Variants in CNTNAP2 observed in about 807,000 individuals in gnomAD.
CNTNAP2 encodes contactin associated protein 2, also known as contactin-associated protein-like 2.
Under a neutral mutation model 155.2 loss-of-function variants are expected in CNTNAP2, and 98 were observed. That is an observed-to-expected ratio of 0.63 (90% CI 0.54 to 0.75). CNTNAP2 has a LOEUF of 0.75. Among genes scored for constraint, CNTNAP2 ranks in the 30% least tolerant of loss-of-function variants. The pLI is 0.00. For synonymous variants in CNTNAP2, 651 were observed against 631.2 expected (o/e 1.03, Z -0.47); for missense variants, 1,727 against 1,688.1 (o/e 1.02, Z -0.40).
chr7:146,811,716 G>T (rs969065745), intron 2 of CNTNAP2, among the ~76,000 whole-genome samples: 3 of 152,030 alleles, frequency 2.0e-5, no homozygotes, highest in Non-Finnish European at 4.4e-5. Context: ...ATCTTAAATT[G>T]TAGTTTCCAT....
chr7:147,101,415 C>G (rs1248981293), intron 4 of CNTNAP2, among the ~76,000 whole-genome samples: 1 of 152,162 alleles, frequency 6.6e-6, no homozygotes, highest in Non-Finnish European at 1.5e-5. Context: ...CTTTTGGGCC[C>G]TGGCTCCACG....
intron 14 of CNTNAP2, among the ~76,000 whole-genome samples, chr7:147,947,685 G>A (rs1046484213): frequency 1.3e-5 from 2 of 152,010 alleles, no homozygotes; most frequent in African/African-American, 4.8e-5. Context: ...CTTCAGGAAA[G>A]AAAAGAGATC....
chr7:147,526,746 T>C (rs116553532), intron 11 of CNTNAP2, among the ~76,000 whole-genome samples: 2,573 of 152,300 alleles, frequency 0.017, 78 homozygotes, highest in African/African-American at 0.059. Flanking sequence ...AGTCCTAGGC[T>C]AGCTGGTAAA....
chr7:147,880,012 G>A (rs1050211464), intron 13 of CNTNAP2, among the ~76,000 whole-genome samples: 1 of 152,218 alleles, frequency 6.6e-6, no homozygotes, highest in African/African-American at 2.4e-5. Context: ...CAGTGGTGAT[G>A]AGATCCAGTT....
At position 148,409,379 on chromosome 7, in the gene CNTNAP2, C is replaced by CTTTT. The variant is rs769306969; in HGVS notation, c.3716-9_3716-8insTTTT. 6.3e-7 allele frequency: 1 copy of CTTTT among 1,599,590 alleles called. No individual in the cohort carries two copies. The highest frequency in any genetic ancestry group is 8.6e-7 in the Non-Finnish European group (1 of 1,167,080). On this transcript the variant is annotated splice_polypyrimidine_tract_variant and intron_variant, in intron 22 of 23. Coordinates refer to ENST00000361727, the MANE Select transcript of CNTNAP2 (RefSeq NM_014141.6). ...ACTTGACTCTGACACTTGACTCTTT[C>CTTTT]TTTCTCTACAGCCAGTGCGGATTTT...
chr7:147,068,516 G>A (rs1210778770), intron 4 of CNTNAP2, among the ~76,000 whole-genome samples: 4 of 151,992 alleles, frequency 2.6e-5, no homozygotes, highest in Non-Finnish European at 5.9e-5. Context: ...ATGCCACCAC[G>A]CCAAGCTAAC....
Position 148,358,481 on chromosome 7 carries a change from G to A in CNTNAP2, c.3476-25168G>A, listed in dbSNP as rs1166863262. Among the ~76,000 whole-genome samples, 6 of 152,286 alleles carry A rather than the reference G, an allele frequency of 3.9e-5. No homozygotes were observed. In the East Asian group the frequency reaches 1.2e-3, roughly 29 times the overall value. On this transcript the variant is annotated intron_variant, in intron 21 of 23. Coordinates refer to ENST00000361727, the MANE Select transcript of CNTNAP2 (RefSeq NM_014141.6). ...GAGAAGGGATGGCTTTTGGGTGAGT[G>A]AGGATGGCTGGCCTGCCTGTTCACC...
chr7:147,486,145 C>A, intron 11 of CNTNAP2, 104 bp downstream of exon 11: 2 of 842,816 alleles, frequency 2.4e-6, no homozygotes, highest in Non-Finnish European at 3.8e-6. Context: ...CATAATACAT[C>A]ACTCGAATCT....
At position 147,092,110 on chromosome 7, in the gene CNTNAP2, C is replaced by G. The variant is rs997894162; in HGVS notation, c.551-16037C>G. 2.0e-5 allele frequency among the ~76,000 whole-genome samples: 3 copies of G among 152,234 alleles called. No individual in the cohort carries two copies. In the East Asian group the frequency reaches 5.8e-4, roughly 29 times the overall value. On this transcript the variant is annotated intron_variant, in intron 4 of 23. Coordinates refer to ENST00000361727, the MANE Select transcript of CNTNAP2 (RefSeq NM_014141.6). ...TTGTAACAGCACTATATCTGTCATG[C>G]CTTGGGAAATGCATAAATTGTTAAG... is the stretch of plus-strand genomic sequence containing the variant.
At chr7:146,439,517 G>A (rs1291944964) in intron 1 of CNTNAP2, among the ~76,000 whole-genome samples, 1 of 151,264 alleles carries the variant, frequency 6.6e-6, no homozygotes, top group Non-Finnish European at 1.5e-5. Flanking sequence ...TTACTTCAAA[G>A]TAGATGATTT....
intron 1 of CNTNAP2, among the ~76,000 whole-genome samples, chr7:146,156,105 G>C (rs189674504): frequency 6.6e-6 from 1 of 151,952 alleles, no homozygotes; most frequent in African/African-American, 2.4e-5. Context: ...TTCCCACATC[G>C]TCTGGAACAT....
chr7:148,108,918 A>T (rs1459580911), intron 15 of CNTNAP2, among the ~76,000 whole-genome samples: 1 of 152,208 alleles, frequency 6.6e-6, no homozygotes, highest in Non-Finnish European at 1.5e-5. Flanking sequence ...CATATTCATA[A>T]ATCATAACAT....
At chr7:146,195,362 A>G (rs1798760498) in intron 1 of CNTNAP2, among the ~76,000 whole-genome samples, 1 of 152,236 alleles carries the variant, frequency 6.6e-6, no homozygotes, top group South Asian at 2.1e-4. Flanking sequence ...GAAAATGAGA[A>G]GAGGAAACTG....
intron 1 of CNTNAP2, among the ~76,000 whole-genome samples, chr7:146,288,672 G>A (rs1409420468): frequency 6.6e-6 from 1 of 151,734 alleles, no homozygotes; most frequent in East Asian, 1.9e-4. Context: ...TAGCCCAATA[G>A]GCTAAATGTT....
intron 14 of CNTNAP2, among the ~76,000 whole-genome samples, chr7:147,924,648 T>C (rs927452698): frequency 2.6e-5 from 4 of 151,994 alleles, no homozygotes; most frequent in African/African-American, 9.7e-5. Context: ...AAAAGGGGAA[T>C]GAGTGTGATG....
intron 1 of CNTNAP2, among the ~76,000 whole-genome samples, chr7:146,239,842 T>C (rs1470426326): frequency 6.6e-6 from 1 of 152,182 alleles, no homozygotes; most frequent in African/African-American, 2.4e-5. Flanking sequence ...TTTGCCAAAA[T>C]GAGATGCAAC....
At chr7:147,902,409 AAC>A (rs1159057061) in intron 13 of CNTNAP2, among the ~76,000 whole-genome samples, 3 of 152,210 alleles carry the variant, frequency 2.0e-5, no homozygotes, top group African/African-American at 4.8e-5. Context: ...TTTTAAAAAA[AAC>A]AAATTTATTT....
chr7:147,833,473 G>A (rs569642586), intron 13 of CNTNAP2, among the ~76,000 whole-genome samples: 108 of 152,248 alleles, frequency 7.1e-4, no homozygotes, highest in African/African-American at 2.4e-3. Context: ...TCTGATGTGG[G>A]TCACTATGTG....
chr7:147,541,676 C>T (rs1362818808), intron 11 of CNTNAP2, among the ~76,000 whole-genome samples: 1 of 152,146 alleles, frequency 6.6e-6, no homozygotes. Context: ...TTATTCAAAA[C>T]TTTGGTTACA....
Sources: gnomAD v4.1 joint callset for allele counts (sites outside exome capture counted in the v4.1 genomes callset) on GRCh38, gnomAD v4.1.1 for gene constraint, MANE v1.5 for transcripts, NCBI Gene and HGNC (gene_info 2026-07-23, HGNC 2026-07-21) for gene names.